AFF1: variants seen among roughly 807,000 people sequenced by gnomAD.
AFF1 encodes AF4/FMR2 family member 1.
In AFF1, 48 loss-of-function variants were observed where a neutral mutation model predicts 121.7. That is an observed-to-expected ratio of 0.39 (90% confidence interval 0.31 to 0.50). The LOEUF (loss-of-function observed/expected upper bound fraction) is 0.50, where lower values mean the gene tolerates loss of function less well. Ranked by LOEUF, AFF1 falls within the 20% of genes least tolerant of loss-of-function variation. The probability of loss-of-function intolerance (pLI) is 0.76; values close to 1 mark genes in which losing one functional copy is unlikely to be tolerated. For synonymous variants in AFF1, 613 were observed against 563.0 expected (o/e 1.09, Z -1.26); for missense variants, 1,523 against 1,511.7 (o/e 1.01, Z -0.12).
intron 11 of AFF1, among the ~76,000 whole-genome samples, chr4:87,109,817 T>C (rs959465864): frequency 2.6e-5 from 4 of 152,210 alleles, no homozygotes; most frequent in Admixed American, 2.6e-4. Context: ...AAATAAATGG[T>C]CCCATCCTGC....
chr4:86,964,667 C>T (rs1056074485), intron 2 of AFF1, among the ~76,000 whole-genome samples: 5 of 152,072 alleles, frequency 3.3e-5, no homozygotes, highest in Non-Finnish European at 7.4e-5. Flanking sequence ...CTCCCGAGCT[C>T]AGGTGATCCA....
Position 87,137,249 on chromosome 4 carries a change from C to T in AFF1, c.*1548C>T, listed in dbSNP as rs1729375283. On this transcript the variant is annotated 3_prime_UTR_variant, in exon 21 of 21. Coordinates refer to ENST00000395146, the MANE Select transcript of AFF1 (RefSeq NM_001166693.3). ...TTCTCCGCCTTTGTCCCATTCTGCCCCTGTACATGTTTCCTACCAAGCATG... is the reference window on the plus strand; with the variant it reads ...TTCTCCGCCTTTGTCCCATTCTGCCTCTGTACATGTTTCCTACCAAGCATG... 4.4e-6 allele frequency: 1 copy of T among 228,236 alleles called. No homozygotes were observed. Among genetic ancestry groups the T allele is most frequent in the African/African-American group, 2.2e-5 (1 of 45,082 alleles). The allele number at this position is 228,236 out of a possible 1,614,324, so 14.1% of individuals were successfully genotyped here. A position where few individuals can be genotyped will look rare whatever the true frequency, so the allele number is the denominator to read the frequency against.
chr4:87,040,266 G>T (rs970519484), intron 2 of AFF1, among the ~76,000 whole-genome samples: 1 of 152,136 alleles, frequency 6.6e-6, no homozygotes, highest in African/African-American at 2.4e-5. Context: ...CCTCTGTTAG[G>T]TCGTTCCTCA....
intron 12 of AFF1, among the ~76,000 whole-genome samples, chr4:87,118,696 G>C (rs1040337649): frequency 2.0e-5 from 3 of 152,112 alleles, no homozygotes; most frequent in Non-Finnish European, 2.9e-5. Flanking sequence ...TTGTTGCCCA[G>C]GCTGGTCTTG....
Position 86,949,585 on chromosome 4 carries a change from G to A in AFF1, c.38+1014G>A, listed in dbSNP as rs1203186158. On this transcript the variant is annotated intron_variant, in intron 2 of 20. Transcript: ENST00000395146. ...GACTGGGGCAGGCGGGCTTTATTCCGGGTGCTGGAGAGCTGTGGGCCCCAC... is the reference window on the plus strand; with the variant it reads ...GACTGGGGCAGGCGGGCTTTATTCCAGGTGCTGGAGAGCTGTGGGCCCCAC... 59 of 1,020,350 alleles carry A rather than the reference G, an allele frequency of 5.8e-5. No individual in the cohort carries two copies. In the African/African-American group the frequency reaches 7.9e-4, roughly 14 times the overall value. 63.2% of individuals were successfully genotyped at this position (1,020,350 alleles called of 1,614,324 possible).
rs924707772 is a variant in AFF1 at position 87,108,145 on chromosome 4, T to C, written c.1377-14T>C. 3 of 1,610,244 alleles carry C rather than the reference T, an allele frequency of 1.9e-6. No homozygotes were observed. The highest frequency in any genetic ancestry group is 2.2e-5 in the East Asian group (1 of 44,864). The stretch of plus-strand genomic sequence containing the variant: ...TATCGTGCCTTCTAATTTTATCTTT[T>C]GGTTGCTTTGCAGTGCTCCACAGTC... On this transcript the variant is annotated splice_polypyrimidine_tract_variant and intron_variant, in intron 10 of 20. Transcript: ENST00000395146.
In AFF1 at chr4:87,046,807, A is replaced by G. The variant is rs758611972; in HGVS notation, c.272A>G (p.Glu91Gly). 1 of 1,614,204 alleles carries G rather than the reference A, an allele frequency of 6.2e-7. No individual in the cohort carries two copies. Among genetic ancestry groups the G allele is most frequent in the South Asian group, 1.1e-5 (1 of 91,086 alleles). ...CACACTCATCGCCTGGATGCTTCTG[A>G]AAATAGGTTGGGAAAGCCGAAATAT... ...KSHTHRLDAS[E>G]NRLGKPKYPL... Residue 91 changes from glutamate (E) to glycine (G), a missense_variant, in exon 4 of 21, where the codon GAA becomes GGA. By Grantham distance (98) the Glu-to-Gly change is moderately conservative. This residue lies in a region of AFF1 where 369 missense variants were observed against 367.2 expected (regional missense o/e 1.00). Coordinates refer to ENST00000395146, the MANE Select transcript of AFF1 (RefSeq NM_001166693.3).
At position 87,029,235 on chromosome 4, in the gene AFF1, C is replaced by G. The variant is rs80128659; in HGVS notation, c.39-16931C>G. ...GAATAGTTGGGAATCTGTGATTAGG[C>G]TAGAGTTATAAGGGGAAACAAGGTC... On this transcript the variant is annotated intron_variant, in intron 2 of 20. Transcript: ENST00000395146. Among the ~76,000 whole-genome samples the G allele has an allele frequency of 7.4e-3, 1,125 of 152,204 alleles. 18 individuals carry two copies. The highest frequency in any genetic ancestry group is 0.026 in the African/African-American group (1,060 of 41,514).
intron 19 of AFF1, among the ~76,000 whole-genome samples, chr4:87,132,986 G>A (rs181642465): frequency 5.9e-5 from 9 of 152,344 alleles, no homozygotes; most frequent in East Asian, 1.9e-4. Context: ...GTGAGCCACC[G>A]CACCTGGCCG....
intron 2 of AFF1, chr4:87,007,223 G>C (rs1042208299): frequency 2.1e-6 from 3 of 1,455,616 alleles, no homozygotes; most frequent in Non-Finnish European, 2.7e-6. Flanking sequence ...AGCCAATACG[G>C]GCCGAGCCCG....
Position 87,140,711 on chromosome 4 carries a change from A to G in AFF1, c.*5010A>G, listed in dbSNP as rs1729648501. 5.2e-6 allele frequency: 1 copy of G among 191,164 alleles called. No individual in the cohort carries two copies. The highest frequency in any genetic ancestry group is 1.9e-4 in the South Asian group (1 of 5,166). The allele number at this position is 191,164 out of a possible 1,614,324, so 11.8% of individuals were successfully genotyped here. The stretch of plus-strand genomic sequence containing the variant: ...AAGCAGTGATGCTCTCAATGGGAAG[A>G]TGTGCAACACAAATTAAGGGGAACT... On this transcript the variant is annotated 3_prime_UTR_variant, in exon 21 of 21. Transcript: ENST00000395146.
At chr4:87,101,117 A>G (rs571995745) in intron 8 of AFF1, among the ~76,000 whole-genome samples, 32 of 152,096 alleles carry the variant, frequency 2.1e-4, no homozygotes, top group African/African-American at 7.5e-4. Context: ...GAGATTTCCT[A>G]TTATATGTTG....
intron 2 of AFF1, among the ~76,000 whole-genome samples, chr4:87,044,195 T>G (rs568759492): frequency 6.6e-6 from 1 of 152,330 alleles, no homozygotes; most frequent in Admixed American, 6.5e-5. Context: ...CTCCCATAGA[T>G]TAAAAGGCTA....
chr4:87,107,543 G>C (rs988018559), intron 10 of AFF1, among the ~76,000 whole-genome samples: 1 of 152,146 alleles, frequency 6.6e-6, no homozygotes, highest in South Asian at 2.1e-4. Context: ...AGTTCACCTT[G>C]CAAAGGAACA....
chr4:87,020,186 A>G (rs1727756198), intron 2 of AFF1, among the ~76,000 whole-genome samples: 1 of 152,214 alleles, frequency 6.6e-6, no homozygotes, highest in Admixed American at 6.5e-5. Flanking sequence ...TGCTTCAAAG[A>G]TCTGCATTCA....
chr4:86,935,689 G>C (rs965216307), intron 1 of AFF1: 1 of 152,214 alleles, frequency 6.6e-6, no homozygotes, highest in Non-Finnish European at 1.5e-5. Flanking sequence ...ACCCTTCCCT[G>C]TGCCTGTCGT....
chr4:87,008,792 T>G (rs1726432887), intron 2 of AFF1, among the ~76,000 whole-genome samples: 1 of 152,232 alleles, frequency 6.6e-6, no homozygotes, highest in Non-Finnish European at 1.5e-5. Flanking sequence ...TTATCTTGCT[T>G]AATTCAGTAG....
chr4:87,114,498 C>G lies in AFF1; in HGVS notation c.1665C>G (p.Ser555Arg). ...GGCACCCAGAGAGTAAGGGCAGCAG[C>G]GACAGTGCCACGAGTCAGGAGCATT... ...PRRHPESKGS[S>R]DSATSQEHSE... Residue 555 changes from serine (S) to arginine (R), a missense_variant, in exon 12 of 21, where the codon AGC becomes AGG. This residue lies in a region of AFF1 where 905 missense variants were observed against 842.5 expected (regional missense o/e 1.07). Transcript: ENST00000395146. 2 of 1,613,692 alleles carry G rather than the reference C, an allele frequency of 1.2e-6. No homozygotes were observed. Among genetic ancestry groups the G allele is most frequent in the Non-Finnish European group, 1.7e-6 (2 of 1,179,968 alleles).
intron 2 of AFF1, among the ~76,000 whole-genome samples, chr4:86,994,754 C>A (rs76470530): frequency 0.042 from 6,340 of 152,136 alleles, 430 homozygotes; most frequent in African/African-American, 0.14. Context: ...GGTAAGGGGT[C>A]TTCAGCTGGA....
Sources: allele counts gnomAD v4.1 joint callset (sites outside exome capture counted in the v4.1 genomes callset), GRCh38; gene constraint gnomAD v4.1.1; regional missense constraint gnomAD v4.1.1; transcripts MANE v1.5; gene names NCBI Gene and HGNC (gene_info 2026-07-23, HGNC 2026-07-21).